Variants in OPCML observed in about 807,000 individuals in gnomAD.
OPCML encodes the protein opioid-binding protein/cell adhesion molecule.
A neutral mutation model predicts 37.8 loss-of-function variants in OPCML; 13 were observed. That is an observed-to-expected ratio of 0.34 (90% CI 0.22 to 0.55). The LOEUF (loss-of-function observed/expected upper bound fraction) is 0.55, where lower values mean the gene tolerates loss of function less well. OPCML is among the 20% of genes least tolerant of loss of function. The pLI, the probability that OPCML is intolerant of heterozygous loss-of-function variation, is 0.91. For missense variants in OPCML, 341 were observed against 435.6 expected (o/e 0.78, Z 1.93); for synonymous variants, 176 against 168.8 (o/e 1.04, Z -0.33).
At chr11:132,634,629 G>T (rs537710439) in intron 3 of OPCML, among the ~76,000 whole-genome samples, 1 of 152,208 alleles carries the variant, frequency 6.6e-6, no homozygotes, top group Admixed American at 6.5e-5. Flanking sequence ...GGGTGTCCTC[G>T]CAGGAAGAGA....
chr11:133,392,481 TAAG>T (rs1197158002), intron 1 of OPCML, among the ~76,000 whole-genome samples: 2 of 152,226 alleles, frequency 1.3e-5, no homozygotes, highest in East Asian at 1.9e-4. Flanking sequence ...GCCAGAATCC[TAAG>T]AAGAAGGCTG....
chr11:132,727,540 C>T (rs1040395300), intron 2 of OPCML, among the ~76,000 whole-genome samples: 1 of 152,276 alleles, frequency 6.6e-6, no homozygotes, highest in South Asian at 2.1e-4. Context: ...CTGGCACACC[C>T]GGAGCCCTAG....
At chr11:133,496,218 G>C (rs1947783612) in intron 1 of OPCML, among the ~76,000 whole-genome samples, 1 of 152,102 alleles carries the variant, frequency 6.6e-6, no homozygotes, top group Non-Finnish European at 1.5e-5. Flanking sequence ...ATAAGTATTT[G>C]GGTTTAATTC....
At chr11:132,808,173 G>T (rs947981187) in intron 2 of OPCML, among the ~76,000 whole-genome samples, 1 of 152,136 alleles carries the variant, frequency 6.6e-6, no homozygotes, top group Admixed American at 6.5e-5. Context: ...ACCTAATAAG[G>T]TTCACAGCTT....
chr11:133,310,422 C>A (rs1042941644), intron 1 of OPCML, among the ~76,000 whole-genome samples: 1 of 152,020 alleles, frequency 6.6e-6, no homozygotes, highest in Admixed American at 6.5e-5. Context: ...AAGGCATTTC[C>A]CTTAGTTTAA....
chr11:133,258,100 T>C (rs950556552), intron 1 of OPCML, among the ~76,000 whole-genome samples: 1 of 152,124 alleles, frequency 6.6e-6, no homozygotes, highest in Non-Finnish European at 1.5e-5. Context: ...AAACCACAAA[T>C]AGTGACATGT....
chr11:132,748,586 G>C (rs1416800608), intron 2 of OPCML, among the ~76,000 whole-genome samples: 1 of 152,224 alleles, frequency 6.6e-6, no homozygotes, highest in Non-Finnish European at 1.5e-5. Context: ...GCCTGGGGAG[G>C]CTGGAAGGTG....
chr11:132,773,538 G>C (rs1198630219), intron 2 of OPCML, among the ~76,000 whole-genome samples: 2 of 152,160 alleles, frequency 1.3e-5, no homozygotes, highest in African/African-American at 4.8e-5. Context: ...AGCAGCAATA[G>C]AAAAGTCTCA....
intron 1 of OPCML, among the ~76,000 whole-genome samples, chr11:133,131,041 C>T (rs973261615): frequency 6.6e-6 from 1 of 152,056 alleles, no homozygotes; most frequent in African/African-American, 2.4e-5. Context: ...GTCATGAGAG[C>T]AAAGGCCTCA....
intron 1 of OPCML, among the ~76,000 whole-genome samples, chr11:132,969,285 G>A (rs994495514): frequency 1.3e-5 from 2 of 152,234 alleles, no homozygotes; most frequent in African/African-American, 2.4e-5. Flanking sequence ...CTAACGAAAT[G>A]TCCTCTGTTA....
chr11:132,618,651 G>A (rs1939184607), intron 3 of OPCML, among the ~76,000 whole-genome samples: 1 of 152,052 alleles, frequency 6.6e-6, no homozygotes, highest in Non-Finnish European at 1.5e-5. Flanking sequence ...CATAGATCTT[G>A]TAATTGATTT....
chr11:132,781,758 T>C (rs1395929418), intron 2 of OPCML, among the ~76,000 whole-genome samples: 1 of 151,570 alleles, frequency 6.6e-6, no homozygotes, highest in African/African-American at 2.4e-5. Context: ...GAGAAGGCAT[T>C]TGAGACACCT....
At chr11:132,706,497 C>T (rs1944040040) in intron 2 of OPCML, among the ~76,000 whole-genome samples, 1 of 152,120 alleles carries the variant, frequency 6.6e-6, no homozygotes, top group East Asian at 1.9e-4. Flanking sequence ...TGCCTTCTTC[C>T]TAGATGTTGA....
In OPCML at chr11:132,954,926, A is replaced by G. The variant is rs1046154917; in HGVS notation, c.62-11916T>C. ...GGGAGGAGACCTTTAAGAAGAAAAG[A>G]GTGGCTAGCGGCATCCACTACGAGA... On this transcript the variant is annotated intron_variant, in intron 1 of 7. Coordinates refer to ENST00000524381, the MANE Select transcript of OPCML (RefSeq NM_001012393.5). 4.6e-5 allele frequency among the ~76,000 whole-genome samples: 7 copies of G among 152,294 alleles called. No individual in the cohort carries two copies. In the South Asian group the frequency reaches 1.5e-3, roughly 32 times the overall value.
intron 3 of OPCML, among the ~76,000 whole-genome samples, chr11:132,638,192 G>C (rs1442481100): frequency 5.8e-5 from 5 of 86,066 alleles, no homozygotes; most frequent in South Asian, 3.9e-4. Context: ...TATATACAGA[G>C]AGAGAGAGAG....
At position 132,892,011 on chromosome 11, in the gene OPCML, C is replaced by T. The variant is rs150946366; in HGVS notation, c.146+50915G>A. On this transcript the variant is annotated intron_variant, in intron 2 of 7. Transcript: ENST00000524381. ...GACCCACTGCATGGATTTCCAGCTCCACTCCCTCTGGCTCTTTTCCAACAG... is the reference window on the plus strand; with the variant it reads ...GACCCACTGCATGGATTTCCAGCTCTACTCCCTCTGGCTCTTTTCCAACAG... 7.9e-4 allele frequency among the ~76,000 whole-genome samples: 121 copies of T among 152,348 alleles called. No homozygotes were observed. In the East Asian group the frequency reaches 0.016, roughly 20 times the overall value.
At chr11:133,165,491 G>A (rs1246385854) in intron 1 of OPCML, among the ~76,000 whole-genome samples, 2 of 152,176 alleles carry the variant, frequency 1.3e-5, no homozygotes, top group South Asian at 2.1e-4. Flanking sequence ...TGGGTTTGCA[G>A]AGGAACTCAT....
At chr11:132,854,401 C>T (rs921088945) in intron 2 of OPCML, among the ~76,000 whole-genome samples, 1 of 152,130 alleles carries the variant, frequency 6.6e-6, no homozygotes, top group South Asian at 2.1e-4. Flanking sequence ...AAATCATTGA[C>T]CATTGGTGAT....
chr11:133,035,456 A>T (rs749533651), intron 1 of OPCML, among the ~76,000 whole-genome samples: 2 of 152,224 alleles, frequency 1.3e-5, no homozygotes, highest in African/African-American at 2.4e-5. Context: ...GACTCCTCAC[A>T]TAAAAAAGGC....
Sources: allele counts gnomAD v4.1 joint callset (sites outside exome capture counted in the v4.1 genomes callset), GRCh38; gene constraint gnomAD v4.1.1; transcripts MANE v1.5; gene names NCBI Gene and HGNC (gene_info 2026-07-23, HGNC 2026-07-21).